Variants in SLC24A3 observed in about 807,000 individuals in gnomAD.
The protein encoded by SLC24A3 is solute carrier family 24 member 3.
Under a neutral mutation model 75.8 loss-of-function variants are expected in SLC24A3, and 28 were observed. The observed-to-expected ratio is 0.37, with a 90% CI of 0.27 to 0.51. SLC24A3 has a LOEUF of 0.51. SLC24A3 is among the 20% of genes least tolerant of loss of function. SLC24A3 has a pLI of 0.94. For missense variants in SLC24A3, 663 were observed against 847.8 expected (o/e 0.78, Z 2.71); for synonymous variants, 372 against 334.1 (o/e 1.11, Z -1.24).
At chr20:19,244,093 T>A (rs1220926182) in intron 1 of SLC24A3, 2 of 152,208 alleles carry the variant, frequency 1.3e-5, no homozygotes, top group Non-Finnish European at 2.9e-5. Flanking sequence ...AATTCTTTTT[T>A]CTCAATCTCT....
intron 2 of SLC24A3, among the ~76,000 whole-genome samples, chr20:19,288,408 A>G (rs1983863311): frequency 1.3e-5 from 2 of 152,120 alleles, no homozygotes; most frequent in East Asian, 1.9e-4. Context: ...TTATTGAGAC[A>G]TTTTTTTAAA....
At chr20:19,263,999 G>A (rs1254298763) in intron 1 of SLC24A3, 2 of 151,742 alleles carry the variant, frequency 1.3e-5, no homozygotes, top group Admixed American at 6.6e-5. Context: ...CCAGCGACTT[G>A]GGAGGTTAAG....
chr20:19,311,403 G>A (rs1021205626), intron 2 of SLC24A3, among the ~76,000 whole-genome samples: 2 of 152,192 alleles, frequency 1.3e-5, no homozygotes, highest in African/African-American at 4.8e-5. Context: ...TGCTGGTCCA[G>A]GCATTCTGCT....
rs1568589959 is a variant in SLC24A3, at chr20:19,325,840, G to GAGAGAGA, written c.271+44753_271+44754insAGAGAGA. Among the ~76,000 whole-genome samples the GAGAGAGA allele has an allele frequency of 2.1e-3, 90 of 43,116 alleles. 8 individuals are homozygous for GAGAGAGA. Among genetic ancestry groups the GAGAGAGA allele is most frequent in the Middle Eastern group, 0.016 (1 of 64 alleles). The allele number at this position is 43,116 out of a possible 152,430, so 28.3% of individuals were successfully genotyped here. On this transcript the variant is annotated intron_variant, in intron 2 of 16. Coordinates refer to ENST00000328041, the MANE Select transcript of SLC24A3 (RefSeq NM_020689.4). ...GAGAGAGAGAGAGAGAGAGAGAGAG[G>GAGAGAGA]GAGACATCTGGAGGAGGGGGACCCA... is the stretch of plus-strand genomic sequence containing the variant.
At chr20:19,233,612 A>G (rs1414349815) in intron 1 of SLC24A3, among the ~76,000 whole-genome samples, 2 of 152,232 alleles carry the variant, frequency 1.3e-5, no homozygotes, top group South Asian at 2.1e-4. Context: ...TTATTTTAGA[A>G]GACACCAGGA....
In SLC24A3 at chr20:19,220,108, G is replaced by C. The variant is rs539064272; in HGVS notation, c.142+7124G>C. Among the ~76,000 whole-genome samples, 8 of 152,334 alleles carry C rather than the reference G, an allele frequency of 5.3e-5. No homozygotes were observed. The South Asian group carries it at 1.7e-3, about 32-fold the overall frequency. On this transcript the variant is annotated intron_variant, in intron 1 of 16. Coordinates refer to ENST00000328041, the MANE Select transcript of SLC24A3 (RefSeq NM_020689.4). ...GTTGGTCATGACCTTTTCATGTTTA[G>C]TTGCTTAGGTGGGAGCTCCAGGAAA...
At chr20:19,426,790 C>G (rs1987013571) in intron 2 of SLC24A3, among the ~76,000 whole-genome samples, 1 of 152,128 alleles carries the variant, frequency 6.6e-6, no homozygotes, top group Non-Finnish European at 1.5e-5. Flanking sequence ...GAGCATGGGT[C>G]AGGAGGCTAC....
At chr20:19,685,479 G>A in intron 12 of SLC24A3, 118 bp downstream of exon 12, 1 of 1,473,732 alleles carries the variant, frequency 6.8e-7, no homozygotes, top group Non-Finnish European at 9.2e-7. Flanking sequence ...ATGAACATGA[G>A]ACTATGTATA....
intron 2 of SLC24A3, among the ~76,000 whole-genome samples, chr20:19,454,703 A>G (rs1987548965): frequency 6.6e-6 from 1 of 152,244 alleles, no homozygotes; most frequent in Non-Finnish European, 1.5e-5. Context: ...GTAACCACAA[A>G]GTATAATGAA....
At chr20:19,503,474 G>T (rs1334568105) in intron 2 of SLC24A3, among the ~76,000 whole-genome samples, 1 of 152,144 alleles carries the variant, frequency 6.6e-6, no homozygotes, top group African/African-American at 2.4e-5. Context: ...AAATAATCAA[G>T]TTCTAATCTA....
intron 2 of SLC24A3, among the ~76,000 whole-genome samples, chr20:19,351,142 G>A (rs540057251): frequency 6.6e-6 from 1 of 152,308 alleles, no homozygotes; most frequent in African/African-American, 2.4e-5. Context: ...ATAGAGAGGA[G>A]ACAGTTCCCT....
At chr20:19,572,201 G>A (rs1470470969) in intron 3 of SLC24A3, among the ~76,000 whole-genome samples, 3 of 152,070 alleles carry the variant, frequency 2.0e-5, no homozygotes, top group South Asian at 2.1e-4. Flanking sequence ...AAAAAAACTA[G>A]CAAGGCACAG....
chr20:19,496,760 G>T (rs1988295428), intron 2 of SLC24A3, among the ~76,000 whole-genome samples: 1 of 152,092 alleles, frequency 6.6e-6, no homozygotes, highest in Non-Finnish European at 1.5e-5. Context: ...CCGAGCCCTG[G>T]GTGCTGGCTC....
At chr20:19,346,933 G>A (rs1985442236) in intron 2 of SLC24A3, among the ~76,000 whole-genome samples, 1 of 152,102 alleles carries the variant, frequency 6.6e-6, no homozygotes, top group African/African-American at 2.4e-5. Context: ...TAGGCTAATA[G>A]AACAGGATAG....
chr20:19,601,027 C>T (rs534613904), intron 6 of SLC24A3, among the ~76,000 whole-genome samples: 1 of 152,286 alleles, frequency 6.6e-6, no homozygotes, highest in South Asian at 2.1e-4. Context: ...CTCCCCACAT[C>T]TTGAATACAT....
intron 2 of SLC24A3, among the ~76,000 whole-genome samples, chr20:19,385,325 T>C (rs1986254212): frequency 6.6e-6 from 1 of 152,246 alleles, no homozygotes; most frequent in East Asian, 1.9e-4. Context: ...TTGATTTTTG[T>C]ATATGGTGTG....
At chr20:19,641,096 T>C (rs2032071042) in intron 6 of SLC24A3, among the ~76,000 whole-genome samples, 1 of 152,244 alleles carries the variant, frequency 6.6e-6, no homozygotes, top group Non-Finnish European at 1.5e-5. Flanking sequence ...ATCTGACTTT[T>C]AGTGCCACAC....
chr20:19,571,992 T>A (rs1250633557), intron 3 of SLC24A3, among the ~76,000 whole-genome samples: 2 of 152,074 alleles, frequency 1.3e-5, no homozygotes, highest in Admixed American at 1.3e-4. Context: ...GAAGAAAACA[T>A]CAGTAGGGGA....
At chr20:19,283,409 A>G (rs1226165631) in intron 2 of SLC24A3, among the ~76,000 whole-genome samples, 1 of 152,238 alleles carries the variant, frequency 6.6e-6, no homozygotes, top group Non-Finnish European at 1.5e-5. Flanking sequence ...AATTCAAACC[A>G]ACTAAAATTA....
Sources: gnomAD v4.1 joint callset for allele counts (sites outside exome capture counted in the v4.1 genomes callset) on GRCh38, gnomAD v4.1.1 for gene constraint, MANE v1.5 for transcripts, NCBI Gene and HGNC (gene_info 2026-07-23, HGNC 2026-07-21) for gene names.